MMP26: variants seen among roughly 807,000 people sequenced by gnomAD.
The protein encoded by MMP26 is matrix metalloproteinase-26.
In MMP26, 33 loss-of-function variants were observed where a neutral mutation model predicts 31.0. The observed-to-expected ratio is 1.06, with a 90% confidence interval of 0.81 to 1.42. The LOEUF is 1.42. MMP26 is among the 40% of genes most tolerant of loss of function. The pLI is 0.00. For synonymous variants in MMP26, 122 were observed against 114.9 expected, an observed-to-expected ratio of 1.06 and a Z score of -0.40; for missense variants, 347 against 316.1, an observed-to-expected ratio of 1.10 and a Z score of -0.74.
chr11:4,761,125 G>A (rs757141766), intron 1 of MMP26, among the ~76,000 whole-genome samples: 5 of 152,154 alleles, frequency 3.3e-5, no homozygotes, highest in Non-Finnish European at 5.9e-5. Flanking sequence ...ACCTTTCAAG[G>A]TGTGGAGAAT....
chr11:4,706,610 AAGAAAGAAAGAAAAG>A (rs1847783903), intron 1 of MMP26, among the ~76,000 whole-genome samples: 1 of 148,028 alleles, frequency 6.8e-6, no homozygotes, highest in East Asian at 2.1e-4. Flanking sequence ...GACAGAAAGA[AAGAAAGAAAGAAAAG>A]AACACTTAAC....
Position 4,927,660 on chromosome 11 carries a change from C to A in MMP26, c.-144-60408C>A, listed in dbSNP as rs545108804. On this transcript the variant is annotated intron_variant, in intron 2 of 7. Coordinates refer to ENST00000380390, the MANE Select transcript of MMP26 (RefSeq NM_021801.5). Reference sequence around the variant, plus strand: ...GCCGTGACAGTTGGAGAGAAAAGGGCTTGGAGGACATACTTCCATCCAGAG... The same window carrying A: ...GCCGTGACAGTTGGAGAGAAAAGGGATTGGAGGACATACTTCCATCCAGAG... Among the ~76,000 whole-genome samples, 5 of 152,176 alleles carry A rather than the reference C, an allele frequency of 3.3e-5. No homozygotes were observed. In the South Asian group the frequency reaches 1.0e-3, roughly 32 times the overall value.
intron 2 of MMP26, among the ~76,000 whole-genome samples, chr11:4,880,958 T>C (rs1362747788): frequency 1.3e-5 from 2 of 152,086 alleles, no homozygotes; most frequent in Admixed American, 6.6e-5. Context: ...TGTTATTGAG[T>C]TGAGTGAGTG....
chr11:4,888,627 A>C (rs1211267292), intron 2 of MMP26, among the ~76,000 whole-genome samples: 2 of 152,170 alleles, frequency 1.3e-5, no homozygotes, highest in Non-Finnish European at 2.9e-5. Context: ...GGCTTATGGA[A>C]CTTTGCCGTA....
At chr11:4,784,714 T>C (rs1250972365) in intron 2 of MMP26, among the ~76,000 whole-genome samples, 1 of 152,224 alleles carries the variant, frequency 6.6e-6, no homozygotes. Context: ...ACAGAGATGG[T>C]ACATTTGATT....
chr11:4,769,322 A>T, intron 2 of MMP26: 1 of 1,613,484 alleles, frequency 6.2e-7, no homozygotes, highest in Non-Finnish European at 8.5e-7. Flanking sequence ...TAATCCACAG[A>T]TGCTATTTGC....
chr11:4,924,821 C>A (rs1038993659), intron 2 of MMP26, among the ~76,000 whole-genome samples: 1 of 152,146 alleles, frequency 6.6e-6, no homozygotes, highest in South Asian at 2.1e-4. Context: ...AATGAGGAAA[C>A]GAAACCAGAA....
At chr11:4,809,611 A>T (rs1849323415) in intron 2 of MMP26, among the ~76,000 whole-genome samples, 3 of 152,222 alleles carry the variant, frequency 2.0e-5, no homozygotes, top group Non-Finnish European at 2.9e-5. Flanking sequence ...GTATCTGAAA[A>T]TAAGGCATAG....
At chr11:4,848,129 A>G (rs555972486) in intron 2 of MMP26, 1 of 1,157,886 alleles carries the variant, frequency 8.6e-7, no homozygotes, top group East Asian at 2.4e-5. Flanking sequence ...ATGCACATAT[A>G]TGCACTTATG....
At chr11:4,901,588 G>A (rs1280634988) in intron 2 of MMP26, among the ~76,000 whole-genome samples, 1 of 151,906 alleles carries the variant, frequency 6.6e-6, no homozygotes, top group Non-Finnish European at 1.5e-5. Flanking sequence ...GGTTTCAGGA[G>A]GTCACTACAT....
chr11:4,748,264 C>G (rs1848405259), intron 1 of MMP26, among the ~76,000 whole-genome samples: 1 of 151,924 alleles, frequency 6.6e-6, no homozygotes, highest in Non-Finnish European at 1.5e-5. Context: ...GAAAACCGAA[C>G]AGACTAATAT....
At chr11:4,787,324 T>C (rs1202860350) in intron 2 of MMP26, 1 of 152,282 alleles carries the variant, frequency 6.6e-6, no homozygotes, top group East Asian at 1.9e-4. Flanking sequence ...TAAAGTTGCA[T>C]GTTCTGATTC....
intron 4 of MMP26, among the ~76,000 whole-genome samples, chr11:4,990,355 C>G (rs1376045463): frequency 1.3e-5 from 2 of 152,072 alleles, no homozygotes; most frequent in Non-Finnish European, 2.9e-5. Flanking sequence ...GACTGTCATT[C>G]TTAGACTTTA....
intron 1 of MMP26, among the ~76,000 whole-genome samples, chr11:4,735,386 G>T (rs1012854391): frequency 2.0e-5 from 3 of 152,108 alleles, no homozygotes; most frequent in Non-Finnish European, 4.4e-5. Flanking sequence ...GCATGTGTGT[G>T]TGTGTACCTC....
At chr11:4,836,256 C>T (rs1849717521) in intron 2 of MMP26, among the ~76,000 whole-genome samples, 1 of 151,896 alleles carries the variant, frequency 6.6e-6, no homozygotes, top group East Asian at 1.9e-4. Flanking sequence ...AAAAGATCTG[C>T]AAAGCAAAAT....
intron 2 of MMP26, among the ~76,000 whole-genome samples, chr11:4,801,299 TA>T (rs1233801037): frequency 6.6e-6 from 1 of 152,002 alleles, no homozygotes; most frequent in Non-Finnish European, 1.5e-5. Context: ...TGCATCACGA[TA>T]AAAAAATATC....
At chr11:4,848,226 G>C in intron 2 of MMP26, 1 of 1,586,542 alleles carries the variant, frequency 6.3e-7, no homozygotes, top group Non-Finnish European at 8.6e-7. Flanking sequence ...AAACACGGAG[G>C]GACATCCTAC....
chr11:4,892,308 G>A (rs1003286445), intron 2 of MMP26, among the ~76,000 whole-genome samples: 2 of 152,194 alleles, frequency 1.3e-5, no homozygotes, highest in Non-Finnish European at 2.9e-5. Flanking sequence ...CTTTTGGACA[G>A]TGTATCATTA....
intron 2 of MMP26, among the ~76,000 whole-genome samples, chr11:4,898,809 A>ATC (rs71885228): frequency 2.9e-4 from 42 of 143,556 alleles, no homozygotes; most frequent in African/African-American, 6.8e-4. Context: ...AATTTAAGAA[A>ATC]TCTCTCTCTC....
Sources: gnomAD v4.1 joint callset for allele counts (sites outside exome capture counted in the v4.1 genomes callset) on GRCh38, gnomAD v4.1.1 for gene constraint, MANE v1.5 for transcripts, NCBI Gene and HGNC (gene_info 2026-07-23, HGNC 2026-07-21) for gene names.